Variants in TMEM117 observed in about 807,000 individuals in gnomAD.
TMEM117 encodes transmembrane protein 117.
Under a neutral mutation model 52.4 loss-of-function variants are expected in TMEM117, and 27 were observed. That is an observed-to-expected ratio of 0.51 (90% CI 0.38 to 0.71). TMEM117 has a LOEUF of 0.71. Among genes scored for constraint, TMEM117 ranks in the 30% least tolerant of loss-of-function variants. TMEM117 has a pLI of 0.00. For missense variants in TMEM117, 556 were observed against 630.5 expected, an observed-to-expected ratio of 0.88 and a Z score of 1.26; for synonymous variants, 215 against 206.3, an observed-to-expected ratio of 1.04 and a Z score of -0.36.
intron 5 of TMEM117, among the ~76,000 whole-genome samples, chr12:44,281,104 A>G (rs749641176): frequency 6.6e-6 from 1 of 152,214 alleles, no homozygotes; most frequent in Admixed American, 6.5e-5. Context: ...AAAGCATTAG[A>G]TGCTTTAAAA....
intron 3 of TMEM117, among the ~76,000 whole-genome samples, chr12:44,055,992 A>T (rs1947049092): frequency 6.6e-6 from 1 of 152,212 alleles, no homozygotes; most frequent in Non-Finnish European, 1.5e-5. Context: ...TGTAGCAGTT[A>T]TAATTTTAGA....
In TMEM117 at chr12:43,848,634, AT is replaced by A. The variant is rs201192375; in HGVS notation, c.277+3708del. On this transcript the variant is annotated intron_variant, in intron 2 of 7. Coordinates refer to ENST00000266534, the MANE Select transcript of TMEM117 (RefSeq NM_032256.3). The stretch of plus-strand genomic sequence containing the variant: ...CTTTTTCAAGGTGCACTAATTTCAT[AT>A]TGTTCAAACACACATGTTTCACAAT... 7.8e-3 allele frequency among the ~76,000 whole-genome samples: 1,178 copies of A among 151,616 alleles called. 27 individuals are homozygous for A. Among genetic ancestry groups the A allele is most frequent in the East Asian group, 0.042 (217 of 5,158 alleles).
intron 5 of TMEM117, among the ~76,000 whole-genome samples, chr12:44,231,927 A>T (rs1949938571): frequency 6.6e-6 from 1 of 151,646 alleles, no homozygotes; most frequent in Non-Finnish European, 1.5e-5. Flanking sequence ...AAATTGTCTG[A>T]TTCAAATAAT....
chr12:44,369,972 A>G (rs935433737), intron 6 of TMEM117, among the ~76,000 whole-genome samples: 8 of 152,164 alleles, frequency 5.3e-5, no homozygotes, highest in African/African-American at 1.9e-4. Flanking sequence ...ACCTCCTGCA[A>G]TGTCTCTATT....
intron 2 of TMEM117, among the ~76,000 whole-genome samples, chr12:43,863,540 G>A (rs1943527387): frequency 6.6e-6 from 1 of 152,212 alleles, no homozygotes; most frequent in Non-Finnish European, 1.5e-5. Context: ...AGAGCATGGA[G>A]TTCAGGGCTG....
chr12:44,368,077 G>A (rs1951814584), intron 6 of TMEM117, among the ~76,000 whole-genome samples: 1 of 151,966 alleles, frequency 6.6e-6, no homozygotes, highest in South Asian at 2.1e-4. Context: ...CAGGGCCTTT[G>A]TACTTGCTCT....
At position 43,970,695 on chromosome 12, in the gene TMEM117, G is replaced by T. The variant is rs542432496; in HGVS notation, c.410+26353G>T. Among the ~76,000 whole-genome samples, 51 of 152,232 alleles carry T rather than the reference G, an allele frequency of 3.4e-4. No homozygotes were observed. The South Asian group carries it at 4.4e-3, about 13-fold the overall frequency. ...TATAGGAAAAAACAGTATATATAGG[G>T]TTCAGTATTATCTGTGGTTTCGGGC... On this transcript the variant is annotated intron_variant, in intron 3 of 7. Coordinates refer to ENST00000266534, the MANE Select transcript of TMEM117 (RefSeq NM_032256.3).
At chr12:44,358,567 GC>G (rs1334224804) in intron 6 of TMEM117, among the ~76,000 whole-genome samples, 1 of 152,054 alleles carries the variant, frequency 6.6e-6, no homozygotes, top group Non-Finnish European at 1.5e-5. Context: ...AGTGATATCT[GC>G]CTTTAACCCT....
At chr12:44,082,327 CTGAG>C (rs1947494791) in intron 3 of TMEM117, among the ~76,000 whole-genome samples, 2 of 151,852 alleles carry the variant, frequency 1.3e-5, no homozygotes, top group African/African-American at 4.8e-5. Context: ...ATTGATACTA[CTGAG>C]TATTTTAACT....
At chr12:44,116,005 G>A (rs1221819384) in intron 3 of TMEM117, among the ~76,000 whole-genome samples, 1 of 152,082 alleles carries the variant, frequency 6.6e-6, no homozygotes, top group Non-Finnish European at 1.5e-5. Flanking sequence ...TACAGTTATG[G>A]TCTTTATCTC....
rs186114594 is a variant in TMEM117 at position 43,882,429 on chromosome 12, C to T, written c.277+37501C>T. ...GAGCCAAGATCACACCATTGCACTC[C>T]AGCTTTGGGGACAAGAGTGAAACTT... On this transcript the variant is annotated intron_variant, in intron 2 of 7. Coordinates refer to ENST00000266534, the MANE Select transcript of TMEM117 (RefSeq NM_032256.3). 5.0e-4 allele frequency among the ~76,000 whole-genome samples: 69 copies of T among 137,314 alleles called. No individual in the cohort carries two copies. The Middle Eastern group carries it at 0.012, about 25-fold the overall frequency. The allele number at this position is 137,314 out of a possible 152,430, so 90.1% of individuals were successfully genotyped here.
chr12:44,129,726 C>T (rs1948384706), intron 3 of TMEM117, among the ~76,000 whole-genome samples: 1 of 152,090 alleles, frequency 6.6e-6, no homozygotes, highest in East Asian at 1.9e-4. Context: ...ATCACTTTCC[C>T]CTTAAGAGGT....
At chr12:44,049,428 C>T (rs1419143076) in intron 3 of TMEM117, among the ~76,000 whole-genome samples, 7 of 151,498 alleles carry the variant, frequency 4.6e-5, no homozygotes, top group Admixed American at 2.6e-4. Flanking sequence ...TGGTGGGGGG[C>T]GAGGGGAAGG....
intron 6 of TMEM117, among the ~76,000 whole-genome samples, chr12:44,302,614 C>G (rs994654119): frequency 6.6e-6 from 1 of 152,202 alleles, no homozygotes; most frequent in Admixed American, 6.5e-5. Context: ...ATCCATGGAG[C>G]TTCCCAAGCA....
At chr12:44,216,279 T>C (rs903027821) in intron 5 of TMEM117, among the ~76,000 whole-genome samples, 2 of 152,116 alleles carry the variant, frequency 1.3e-5, no homozygotes. Context: ...ATTCTGGGAT[T>C]ACAGGCATGA....
At chr12:44,118,029 C>T (rs1011460516) in intron 3 of TMEM117, among the ~76,000 whole-genome samples, 1 of 151,342 alleles carries the variant, frequency 6.6e-6, no homozygotes, top group Non-Finnish European at 1.5e-5. Context: ...CACACCTTGA[C>T]TTCTTTATTA....
intron 3 of TMEM117, among the ~76,000 whole-genome samples, chr12:43,949,342 A>G (rs1267990338): frequency 1.3e-5 from 2 of 152,156 alleles, no homozygotes; most frequent in Non-Finnish European, 2.9e-5. Context: ...TGAGGTTTGC[A>G]TTTCTTCTCC....
At chr12:43,864,094 C>T (rs560876774) in intron 2 of TMEM117, among the ~76,000 whole-genome samples, 19 of 152,282 alleles carry the variant, frequency 1.2e-4, no homozygotes, top group East Asian at 5.8e-4. Context: ...ACCAGCGCTG[C>T]GCTGGATTTC....
chr12:44,178,309 C>T (rs1318301623), intron 4 of TMEM117, among the ~76,000 whole-genome samples: 3 of 152,102 alleles, frequency 2.0e-5, no homozygotes, highest in East Asian at 1.9e-4. Context: ...CCATTGTGTA[C>T]CTATCTAATT....
Sources: allele counts gnomAD v4.1 joint callset (sites outside exome capture counted in the v4.1 genomes callset), GRCh38; gene constraint gnomAD v4.1.1; transcripts MANE v1.5; gene names NCBI Gene and HGNC (gene_info 2026-07-23, HGNC 2026-07-21).